Variants in CAPN5 observed in about 807,000 individuals in gnomAD.
CAPN5 encodes calpain-5.
In CAPN5, 54 loss-of-function variants were observed where a neutral mutation model predicts 73.0. The observed-to-expected ratio is 0.74, with a 90% confidence interval of 0.59 to 0.93. The LOEUF (loss-of-function observed/expected upper bound fraction) is 0.93. Ranked by LOEUF, CAPN5 falls within the 40% of genes least tolerant of loss-of-function variation. The probability of loss-of-function intolerance (pLI) is 0.00; values close to 1 mark genes in which losing one functional copy is unlikely to be tolerated. For missense variants in CAPN5, 785 were observed against 882.9 expected, an observed-to-expected ratio of 0.89 and a Z score of 1.41; for synonymous variants, 335 against 356.9, an observed-to-expected ratio of 0.94 and a Z score of 0.69.
At chr11:77,093,980 C>A (rs534916716) in intron 3 of CAPN5, among the ~76,000 whole-genome samples, 167 bp downstream of exon 3, 1 of 152,252 alleles carries the variant, frequency 6.6e-6, no homozygotes, top group African/African-American at 2.4e-5. Flanking sequence ...AATTGCCATC[C>A]CTCACCCTTC....
chr11:77,069,205 G>A (rs58336054), intron 1 of CAPN5, among the ~76,000 whole-genome samples: 18,355 of 152,196 alleles, frequency 0.12, 1,910 homozygotes, highest in African/African-American at 0.28. Context: ...TCTCATGTGC[G>A]GAATGGGGAT....
In CAPN5 at chr11:77,078,275, C is replaced by T. The variant is rs144599650; in HGVS notation, c.-35-6577C>T. Among the ~76,000 whole-genome samples the T allele has an allele frequency of 3.4e-3, 511 of 152,274 alleles. 4 individuals are homozygous for T. Among genetic ancestry groups the T allele is most frequent in the Non-Finnish European group, 5.8e-3 (393 of 68,010 alleles). Reference sequence around the variant, plus strand: ...AGATAGGGAAACTTTTATTCTTCTGCGTGTGGATATCTGGTTTTCCCAACA... The same window carrying T: ...AGATAGGGAAACTTTTATTCTTCTGTGTGTGGATATCTGGTTTTCCCAACA... On this transcript the variant is annotated intron_variant, in intron 1 of 12. Transcript: ENST00000648180.
chr11:77,087,990 C>T (rs868942887), intron 2 of CAPN5: 132 of 1,535,566 alleles, frequency 8.6e-5, no homozygotes, highest in African/African-American at 1.2e-4. Context: ...GGGAGATGCA[C>T]GGAGAATGGA....
At position 77,118,994 on chromosome 11, in the gene CAPN5, T is replaced by A. The variant is rs1555042218; in HGVS notation, c.1168-36T>A. 3.8e-6 allele frequency: 6 copies of A among 1,587,162 alleles called. No homozygotes were observed. In the South Asian group the frequency reaches 6.9e-5, roughly 18 times the overall value. On this transcript the variant is annotated intron_variant, in intron 8 of 12. Coordinates refer to ENST00000648180, the MANE Select transcript of CAPN5 (RefSeq NM_004055.5). The stretch of plus-strand genomic sequence containing the variant: ...CAGCCCATGCCTGGTGTGGTCTCAT[T>A]GCAGTGTCTCTCTCTCTCCTTGGCC...
At chr11:77,118,416 T>C (rs1265444662) in intron 8 of CAPN5, 64 bp downstream of exon 8, 17 of 1,355,994 alleles carry the variant, frequency 1.3e-5, no homozygotes, top group Non-Finnish European at 1.7e-5. Flanking sequence ...GCCACTGTCC[T>C]GCCAGGGACT....
chr11:77,097,464 G>GTTTTT (rs58077755), intron 3 of CAPN5, among the ~76,000 whole-genome samples: 3,850 of 79,568 alleles, frequency 0.048, 205 homozygotes, highest in Non-Finnish European at 0.06. Flanking sequence ...TTTCCTTCTA[G>GTTTTT]TTTTTTTTTT....
intron 3 of CAPN5, among the ~76,000 whole-genome samples, chr11:77,098,838 C>T (rs1950248053): frequency 1.5e-5 from 2 of 133,516 alleles, no homozygotes; most frequent in African/African-American, 3.0e-5. Context: ...TGACCCCCCC[C>T]ACCTCCCTCC....
At chr11:77,117,424 T>C (rs1460504877) in intron 7 of CAPN5, among the ~76,000 whole-genome samples, 2 of 152,116 alleles carry the variant, frequency 1.3e-5, no homozygotes, top group Non-Finnish European at 2.9e-5. Flanking sequence ...CCAGGCAGAC[T>C]GGGGGCAGAT....
At chr11:77,093,648 C>T (rs1386975914) in intron 2 of CAPN5, 34 bp from the exon 3 acceptor site, 30 of 1,538,350 alleles carry the variant, frequency 2.0e-5, no homozygotes, top group African/African-American at 9.6e-5. Flanking sequence ...CATGCTCCTC[C>T]GCCCCTCACG....
chr11:77,083,675 C>T (rs1383837656), intron 1 of CAPN5, among the ~76,000 whole-genome samples: 1 of 152,232 alleles, frequency 6.6e-6, no homozygotes, highest in Non-Finnish European at 1.5e-5. Context: ...CCTCTTCCCA[C>T]TGGCATGCTT....
At chr11:77,085,991 G>A (rs371367517) in intron 2 of CAPN5, among the ~76,000 whole-genome samples, 2 of 152,234 alleles carry the variant, frequency 1.3e-5, no homozygotes, top group African/African-American at 4.8e-5. Flanking sequence ...TGTCTTGGAG[G>A]TGAAGGGTGA....
chr11:77,083,644 C>G (rs1950050363), intron 1 of CAPN5, among the ~76,000 whole-genome samples: 1 of 152,206 alleles, frequency 6.6e-6, no homozygotes, highest in Non-Finnish European at 1.5e-5. Flanking sequence ...CACTGGGTGT[C>G]TTGGCCCCTT....
chr11:77,118,285 AG>A lies in CAPN5; in HGVS notation c.1102del (p.Asp368ThrfsTer35), dbSNP rs1467548403. Reference sequence around the variant, plus strand: ...CTGCATGGCGCCTGGACGCTGCATGAGGACCCGCGACAGAACCGCGGTGGCG... The same window carrying A: ...CTGCATGGCGCCTGGACGCTGCATGAGACCCGCGACAGAACCGCGGTGGCG... ...ARLHGAWTLH[E>X]DPRQNRGGGC... On this transcript the variant is annotated frameshift_variant, in exon 8 of 13. Transcript: ENST00000648180. LOFTEE classifies it high-confidence loss of function. 3.7e-6 allele frequency: 6 copies of A among 1,613,614 alleles called. No individual in the cohort carries two copies. In the Admixed American group the frequency reaches 1.0e-4, roughly 27 times the overall value.
intron 3 of CAPN5, among the ~76,000 whole-genome samples, chr11:77,108,483 G>A (rs1046046789): frequency 2.6e-5 from 4 of 152,176 alleles, no homozygotes; most frequent in Admixed American, 6.5e-5. Flanking sequence ...AGGAGGGAGC[G>A]TTGGAGGGAT....
intron 7 of CAPN5, among the ~76,000 whole-genome samples, chr11:77,116,921 G>A (rs1950473966): frequency 6.6e-6 from 1 of 152,216 alleles, no homozygotes; most frequent in African/African-American, 2.4e-5. Context: ...GAGCTGGGAA[G>A]ATGACAGCAG....
At chr11:77,105,551 G>A (rs1950337045) in intron 3 of CAPN5, among the ~76,000 whole-genome samples, 1 of 152,342 alleles carries the variant, frequency 6.6e-6, no homozygotes, top group East Asian at 1.9e-4. Flanking sequence ...TGGGCAGGGG[G>A]TGGATGGAAG....
Position 77,093,832 on chromosome 11 carries a change from T to A in CAPN5, c.297+19T>A. On this transcript the variant is annotated intron_variant, in intron 3 of 12. Coordinates refer to ENST00000648180, the MANE Select transcript of CAPN5 (RefSeq NM_004055.5). ...GCAAAAGGTGAGGCCTCGGGCAGAG[T>A]GGGCAGGGTGCTGGGGAGTGTGAAC... is the stretch of plus-strand genomic sequence containing the variant. The A allele has an allele frequency of 6.2e-7, 1 of 1,606,360 alleles. No homozygotes were observed.
intron 3 of CAPN5, among the ~76,000 whole-genome samples, chr11:77,096,467 GC>G (rs1555037493): frequency 6.6e-6 from 1 of 152,082 alleles, no homozygotes; most frequent in Non-Finnish European, 1.5e-5. Context: ...TCCCTCCCCA[GC>G]CCCCTCTTAG....
Position 77,120,902 on chromosome 11 carries a change from A to C in CAPN5, c.1480A>C (p.Asn494His). The change falls in exon 10 of 13, where the codon AAC (asparagine) becomes CAC (histidine). Residue 494 changes from asparagine to histidine, a missense_variant. Coordinates refer to ENST00000648180, the MANE Select transcript of CAPN5 (RefSeq NM_004055.5). Reference protein sequence around the residue: ...LLRVFTDVPSNCRELRLDEPP... With the variant: ...LLRVFTDVPSHCRELRLDEPP... Reference sequence around the variant, plus strand: ...CCGAGTCTTCACTGATGTGCCCTCCAACTGCCGGTACTTGGGGGCTGGCTT... The same window carrying C: ...CCGAGTCTTCACTGATGTGCCCTCCCACTGCCGGTACTTGGGGGCTGGCTT... The C allele has an allele frequency of 6.2e-7, 1 of 1,612,124 alleles. No individual in the cohort carries two copies. Among genetic ancestry groups the C allele is most frequent in the Middle Eastern group, 1.7e-4 (1 of 6,058 alleles).
Sources: gnomAD v4.1 joint callset for allele counts (sites outside exome capture counted in the v4.1 genomes callset) on GRCh38, gnomAD v4.1.1 for gene constraint, MANE v1.5 for transcripts, NCBI Gene and HGNC (gene_info 2026-07-23, HGNC 2026-07-21) for gene names.